Variants in PTPRD observed in about 807,000 individuals in gnomAD.
PTPRD encodes the protein protein tyrosine phosphatase receptor type D.
PTPRD carries 34 observed loss-of-function variants against 214.5 expected under a neutral mutation model. The observed-to-expected ratio is 0.16, with a 90% CI of 0.12 to 0.21. The LOEUF (loss-of-function observed/expected upper bound fraction) is 0.21. Among genes scored for constraint, PTPRD ranks in the 10% least tolerant of loss-of-function variants. The probability of loss-of-function intolerance (pLI) is 1.00; values close to 1 mark genes in which losing one functional copy is unlikely to be tolerated. For missense variants in PTPRD, 2,545 were observed against 2,398.7 expected, an observed-to-expected ratio of 1.06 and a Z score of -1.27; for synonymous variants, 1,128 against 845.7, an observed-to-expected ratio of 1.33 and a Z score of -5.79.
At chr9:8,628,494 T>C (rs143988492) in intron 14 of PTPRD, among the ~76,000 whole-genome samples, 66 of 151,882 alleles carry the variant, frequency 4.3e-4, no homozygotes, top group African/African-American at 1.6e-3. Context: ...GAGCAAATTT[T>C]TTCCATCTTG....
At chr9:9,723,779 T>A (rs574719482) in intron 7 of PTPRD, among the ~76,000 whole-genome samples, 37 of 152,252 alleles carry the variant, frequency 2.4e-4, no homozygotes, top group Admixed American at 7.9e-4. Context: ...CTGTTTTGAA[T>A]AGAAGTGTTT....
At chr9:9,966,827 G>T (rs1362038689) in intron 4 of PTPRD, among the ~76,000 whole-genome samples, 1 of 152,152 alleles carries the variant, frequency 6.6e-6, no homozygotes, top group Non-Finnish European at 1.5e-5. Context: ...TCGAGGAAGA[G>T]AAGAAAGAAA....
At chr9:8,343,219 C>T (rs546922311) in intron 39 of PTPRD, among the ~76,000 whole-genome samples, 7 of 152,122 alleles carry the variant, frequency 4.6e-5, no homozygotes, top group African/African-American at 1.7e-4. Context: ...AGCTTGCATA[C>T]AGGAGCTCTG....
intron 8 of PTPRD, among the ~76,000 whole-genome samples, chr9:9,414,472 C>T (rs2076413913): frequency 6.6e-6 from 1 of 152,092 alleles, no homozygotes. Flanking sequence ...GGAAGGACGG[C>T]CTTAAGGAGG....
chr9:9,659,808 G>A (rs1016726639), intron 7 of PTPRD, among the ~76,000 whole-genome samples: 2 of 151,998 alleles, frequency 1.3e-5, no homozygotes, highest in African/African-American at 4.8e-5. Context: ...TGAAAATTGG[G>A]ACGTTCCCAA....
At chr9:10,419,671 T>C (rs754374790) in intron 2 of PTPRD, among the ~76,000 whole-genome samples, 2 of 151,824 alleles carry the variant, frequency 1.3e-5, no homozygotes, top group Non-Finnish European at 2.9e-5. Context: ...ATCTCTTGGT[T>C]GTCTTCATCT....
At chr9:9,295,438 G>A (rs1391437533) in intron 9 of PTPRD, among the ~76,000 whole-genome samples, 1 of 151,574 alleles carries the variant, frequency 6.6e-6, no homozygotes, top group East Asian at 1.9e-4. Context: ...ACATAAATAT[G>A]CAGTGTAGTT....
chr9:8,978,158 T>G (rs1037100185), intron 11 of PTPRD, among the ~76,000 whole-genome samples: 1 of 151,942 alleles, frequency 6.6e-6, no homozygotes, highest in Non-Finnish European at 1.5e-5. Flanking sequence ...TTAACGTAAA[T>G]TTTGGGGAAG....
At chr9:8,753,100 G>C (rs748794774) in intron 11 of PTPRD, among the ~76,000 whole-genome samples, 24 of 152,104 alleles carry the variant, frequency 1.6e-4, no homozygotes, top group Non-Finnish European at 3.2e-4. Flanking sequence ...AAAATCACTA[G>C]CTTTCAGATC....
chr9:9,069,311 G>C (rs78374480), intron 10 of PTPRD, among the ~76,000 whole-genome samples: 1 of 152,082 alleles, frequency 6.6e-6, no homozygotes, highest in Non-Finnish European at 1.5e-5. Context: ...TACAAAAAAA[G>C]TATAAAGAAG....
chr9:10,409,401 A>G (rs981970685), intron 2 of PTPRD, among the ~76,000 whole-genome samples: 1 of 151,854 alleles, frequency 6.6e-6, no homozygotes, highest in Admixed American at 6.6e-5. Context: ...TATTATGGTC[A>G]TACTAATCAC....
rs947130390 is a variant in PTPRD at position 9,705,301 on chromosome 9, T to C, written c.-287+29232A>G. ...AGCAGCATTTTGAAATGTAGAATTATACATTTTTCCATTATGATTATCTTA... is the reference window on the plus strand; with the variant it reads ...AGCAGCATTTTGAAATGTAGAATTACACATTTTTCCATTATGATTATCTTA... On this transcript the variant is annotated intron_variant, in intron 7 of 45. Coordinates refer to ENST00000381196, the MANE Select transcript of PTPRD (RefSeq NM_002839.4). Among the ~76,000 whole-genome samples the C allele has an allele frequency of 2.0e-5, 3 of 152,214 alleles. No individual in the cohort carries two copies. In the East Asian group the frequency reaches 5.8e-4, roughly 29 times the overall value.
intron 2 of PTPRD, among the ~76,000 whole-genome samples, chr9:10,504,567 A>T (rs1047784653): frequency 2.6e-5 from 4 of 152,194 alleles, no homozygotes; most frequent in African/African-American, 9.7e-5. Context: ...TGTAACAGCA[A>T]TATCAAGATA....
At chr9:9,215,559 T>C (rs2099951618) in intron 9 of PTPRD, among the ~76,000 whole-genome samples, 2 of 152,132 alleles carry the variant, frequency 1.3e-5, no homozygotes, top group Admixed American at 6.6e-5. Flanking sequence ...GCCTCTGTTT[T>C]GGCAGGAATT....
At chr9:8,801,546 G>A (rs935647368) in intron 11 of PTPRD, among the ~76,000 whole-genome samples, 31 of 152,078 alleles carry the variant, frequency 2.0e-4, no homozygotes, top group African/African-American at 6.5e-4. Context: ...GAGAAACCCC[G>A]TCTCTACTAA....
chr9:8,790,288 T>G (rs2096174238), intron 11 of PTPRD, among the ~76,000 whole-genome samples: 1 of 152,108 alleles, frequency 6.6e-6, no homozygotes, highest in African/African-American at 2.4e-5. Context: ...AGCATTAAGA[T>G]TACAGGTGTG....
intron 14 of PTPRD, among the ~76,000 whole-genome samples, chr9:8,605,551 G>C (rs904186253): frequency 1.3e-5 from 2 of 152,166 alleles, no homozygotes; most frequent in African/African-American, 4.8e-5. Context: ...TACTCTAGAT[G>C]GGCTAGTTAC....
chr9:10,197,940 C>G (rs937274734), intron 3 of PTPRD, among the ~76,000 whole-genome samples: 1 of 152,060 alleles, frequency 6.6e-6, no homozygotes, highest in Non-Finnish European at 1.5e-5. Context: ...TAACTTAATA[C>G]TTCTATGAAG....
chr9:9,219,589 A>G (rs1359665444), intron 9 of PTPRD, among the ~76,000 whole-genome samples: 1 of 152,150 alleles, frequency 6.6e-6, no homozygotes, highest in Admixed American at 6.6e-5. Flanking sequence ...CTATAGAATA[A>G]CCCTGTTTAC....
Sources: allele counts gnomAD v4.1 joint callset (sites outside exome capture counted in the v4.1 genomes callset), GRCh38; gene constraint gnomAD v4.1.1; transcripts MANE v1.5; gene names NCBI Gene and HGNC (gene_info 2026-07-23, HGNC 2026-07-21).